Variants in RPS6KC1 observed in about 807,000 individuals in gnomAD.
RPS6KC1 encodes inactive ribosomal protein S6 kinase delta-1.
Under a neutral mutation model 103.8 loss-of-function variants are expected in RPS6KC1, and 54 were observed. That is an observed-to-expected ratio of 0.52 (90% CI 0.42 to 0.65). The LOEUF is 0.65. RPS6KC1 is among the 30% of genes least tolerant of loss of function. The pLI is 0.00. For missense variants in RPS6KC1, 1,151 were observed against 1,253.8 expected, an observed-to-expected ratio of 0.92 and a Z score of 1.24; for synonymous variants, 439 against 438.7, an observed-to-expected ratio of 1.00 and a Z score of -0.01.
At chr1:213,414,133 A>G in the RPS6KC1 span, among the ~76,000 whole-genome samples, 2 of 152,120 alleles carry the variant, frequency 1.3e-5, no homozygotes, top group Admixed American at 6.5e-5. Flanking sequence ...AGGTGAGCTG[A>G]GCAGAGTTGG....
At chr1:213,310,082 G>T in the RPS6KC1 span, among the ~76,000 whole-genome samples, 1 of 152,066 alleles carries the variant, frequency 6.6e-6, no homozygotes, top group Admixed American at 6.5e-5. Context: ...TCCTTTCCTT[G>T]ACTATCCCCC....
At chr1:213,205,133 C>A (rs1420379863) in intron 8 of RPS6KC1, 3 of 369,384 alleles carry the variant, frequency 8.1e-6, no homozygotes, top group Non-Finnish European at 3.7e-6. Context: ...TGTTGTATAC[C>A]TTGCTTAATC....
intron 3 of RPS6KC1, among the ~76,000 whole-genome samples, chr1:213,097,959 G>T (rs1270565807): frequency 6.6e-6 from 1 of 152,066 alleles, no homozygotes; most frequent in Non-Finnish European, 1.5e-5. Flanking sequence ...GGAATGTTGG[G>T]GCTGGTTTAC....
the RPS6KC1 span, among the ~76,000 whole-genome samples, chr1:213,593,947 C>T: frequency 2.6e-5 from 4 of 152,146 alleles, no homozygotes; most frequent in Admixed American, 6.5e-5. Context: ...CTCACTGCAA[C>T]CTCTGCCTCC....
the RPS6KC1 span, among the ~76,000 whole-genome samples, chr1:213,449,646 A>T: frequency 6.6e-6 from 1 of 152,288 alleles, no homozygotes; most frequent in African/African-American, 2.4e-5. Flanking sequence ...TGCAGGACAC[A>T]ATTCAGTCTA....
chr1:213,059,893 C>T (rs907923474), intron 1 of RPS6KC1, among the ~76,000 whole-genome samples: 5 of 152,124 alleles, frequency 3.3e-5, no homozygotes, highest in Admixed American at 2.0e-4. Flanking sequence ...GGATGGTCTC[C>T]ATCTATTGAC....
At chr1:213,279,816 T>C in the RPS6KC1 span, among the ~76,000 whole-genome samples, 1 of 152,186 alleles carries the variant, frequency 6.6e-6, no homozygotes, top group African/African-American at 2.4e-5. Context: ...AAAAAATAAG[T>C]GATCCCCAGG....
intron 8 of RPS6KC1, among the ~76,000 whole-genome samples, chr1:213,200,403 A>T (rs1317950817): frequency 1.3e-5 from 2 of 152,214 alleles, no homozygotes; most frequent in Admixed American, 1.3e-4. Flanking sequence ...CCTATTCAGT[A>T]AATGGTGCTG....
chr1:213,551,979 T>G, the RPS6KC1 span, among the ~76,000 whole-genome samples: 2 of 152,332 alleles, frequency 1.3e-5, no homozygotes, highest in Non-Finnish European at 1.5e-5. Context: ...CAGATTGGCT[T>G]CTTTCACTTA....
chr1:213,345,271 C>T, the RPS6KC1 span, among the ~76,000 whole-genome samples: 1 of 152,188 alleles, frequency 6.6e-6, no homozygotes, highest in South Asian at 2.1e-4. Context: ...GTCCCAATTA[C>T]CTTCTCAATG....
rs1331401342 is a variant in RPS6KC1, at chr1:213,230,606, A to G, written c.1092+62A>G. On this transcript the variant is annotated intron_variant, in intron 9 of 14. Transcript: ENST00000366960. ...TTCCAGCACTTTGGGAGACTGAGAT[A>G]GGCAGGTCACCTAAGGTCAGGAGTT... The G allele has an allele frequency of 4.7e-6, 6 of 1,278,758 alleles. No individual in the cohort carries two copies. In the Admixed American group the frequency reaches 1.0e-4, roughly 21 times the overall value. The allele number at this position is 1,278,758 out of a possible 1,614,324, so 79.2% of individuals were successfully genotyped here. A position where few individuals can be genotyped will look rare whatever the true frequency, so the allele number is the denominator to read the frequency against.
intron 8 of RPS6KC1, among the ~76,000 whole-genome samples, chr1:213,187,166 T>C (rs575735919): frequency 6.6e-6 from 1 of 152,224 alleles, no homozygotes; most frequent in South Asian, 2.1e-4. Context: ...CTTCCCAAAG[T>C]GCTGGGATTA....
chr1:213,452,144 G>A, the RPS6KC1 span, among the ~76,000 whole-genome samples: 1 of 152,070 alleles, frequency 6.6e-6, no homozygotes, highest in Non-Finnish European at 1.5e-5. Flanking sequence ...AGCTACAAGG[G>A]CGTTTAGGTC....
At chr1:213,649,711 G>A in the RPS6KC1 span, among the ~76,000 whole-genome samples, 8 of 151,982 alleles carry the variant, frequency 5.3e-5, no homozygotes, top group East Asian at 1.9e-4. Context: ...AACAAAAATC[G>A]TAAGCTCCTC....
At chr1:213,391,695 A>G in the RPS6KC1 span, among the ~76,000 whole-genome samples, 2 of 152,248 alleles carry the variant, frequency 1.3e-5, no homozygotes, top group Non-Finnish European at 1.5e-5. Context: ...GTAGAATCAT[A>G]GCACCTATTT....
chr1:213,244,155 T>TA (rs2094413747), intron 12 of RPS6KC1, among the ~76,000 whole-genome samples: 1 of 151,600 alleles, frequency 6.6e-6, no homozygotes, highest in African/African-American at 2.4e-5. Context: ...GTAAATAGGA[T>TA]AAAAAATTGC....
At chr1:213,571,331 A>C in the RPS6KC1 span, among the ~76,000 whole-genome samples, 1 of 152,174 alleles carries the variant, frequency 6.6e-6, no homozygotes, top group Admixed American at 6.5e-5. Flanking sequence ...GCCCTTAGGG[A>C]ACTTACATCT....
the RPS6KC1 span, among the ~76,000 whole-genome samples, chr1:213,592,600 G>T: frequency 6.6e-6 from 1 of 152,196 alleles, no homozygotes; most frequent in Admixed American, 6.5e-5. Context: ...TCTCTGTAGA[G>T]ACTTAAATTT....
the RPS6KC1 span, among the ~76,000 whole-genome samples, chr1:213,565,127 A>G: frequency 4.6e-5 from 7 of 152,236 alleles, no homozygotes; most frequent in African/African-American, 1.7e-4. Flanking sequence ...TGTTTTTAAA[A>G]GTGAATGTTG....
Sources: allele counts gnomAD v4.1 joint callset (sites outside exome capture counted in the v4.1 genomes callset), GRCh38; gene constraint gnomAD v4.1.1; transcripts MANE v1.5; gene names NCBI Gene and HGNC (gene_info 2026-07-23, HGNC 2026-07-21).